The following FMR1 variants were observed in gnomAD, a reference collection of about 807,000 sequenced individuals.
FMR1 encodes FMRP translational regulator 1.
FMR1 carries 13 observed loss-of-function variants against 50.6 expected under a neutral mutation model. The observed-to-expected ratio is 0.26, with a 90% CI of 0.17 to 0.41. FMR1 has a LOEUF of 0.41. Among genes scored for constraint, FMR1 ranks in the 10% least tolerant of loss-of-function variants. The probability of loss-of-function intolerance (pLI) is 1.00; values close to 1 mark genes in which losing one functional copy is unlikely to be tolerated. For missense variants in FMR1, 316 were observed against 491.3 expected, an observed-to-expected ratio of 0.64 and a Z score of 3.37; for synonymous variants, 138 against 164.1, an observed-to-expected ratio of 0.84 and a Z score of 1.22.
At position 147,916,318 on chromosome X, in the gene FMR1, A is replaced by G. The variant is rs189334459; in HGVS notation, c.51+4088A>G. On this transcript the variant is annotated intron_variant, in intron 1 of 16. Coordinates refer to ENST00000370475, the MANE Select transcript of FMR1 (RefSeq NM_002024.6). The stretch of plus-strand genomic sequence containing the variant: ...GAGTGAAGCTAAATGTGTTTTTCAC[A>G]TAATTTGTAGCCTATATGAAGTCCT... Among the ~76,000 whole-genome samples, 14 of 112,432 alleles carry G rather than the reference A, an allele frequency of 1.2e-4. No homozygotes were observed. The East Asian group carries it at 2.2e-3, about 18-fold the overall frequency.
At position 147,950,751 on chromosome X, in the gene FMR1, C is replaced by T. The variant is rs1237815914; in HGVS notation, c.*1907C>T. 3.5e-5 allele frequency: 11 copies of T among 318,488 alleles called. No individual in the cohort carries two copies. The highest frequency in any genetic ancestry group is 1.8e-5 in the Non-Finnish European group (3 of 166,069). The allele number at this position is 318,488 out of a possible 1,213,427, so 26.2% of individuals were successfully genotyped here. ...GTAACTGTTACCATTGGAAATTTCA[C>T]GTCATAGGAAGTTAGCCTTTATCTA... On this transcript the variant is annotated 3_prime_UTR_variant, in exon 17 of 17. Coordinates refer to ENST00000370475, the MANE Select transcript of FMR1 (RefSeq NM_002024.6).
chrX:147,933,289 A>G (rs193052026), intron 9 of FMR1: 719 of 361,994 alleles, frequency 2.0e-3, no homozygotes, highest in Non-Finnish European at 2.6e-3. Context: ...TCTTAAAATT[A>G]AATAATTTTT....
chrX:147,936,725 A>G, intron 10 of FMR1, 112 bp downstream of exon 10: 1 of 518,275 alleles, frequency 1.9e-6, no homozygotes, highest in South Asian at 2.7e-5. Flanking sequence ...TATTCTGATT[A>G]TCAAGCATGC....
Position 147,951,119 on chromosome X carries a change from C to A in FMR1, c.*2275C>A. 4.8e-6 allele frequency: 1 copy of A among 209,192 alleles called. No individual in the cohort carries two copies. Among genetic ancestry groups the A allele is most frequent in the South Asian group, 5.5e-5 (1 of 18,327 alleles). 17.2% of individuals were successfully genotyped at this position (209,192 alleles called of 1,213,427 possible). On this transcript the variant is annotated 3_prime_UTR_variant, in exon 17 of 17. Transcript: ENST00000370475. ...TTAAAAAGTTGCACTTATGAAAAAG[C>A]AAAAAATTAGTCTGACAGATGTTTG...
At chrX:147,926,905 G>A (rs1163658726) in intron 3 of FMR1, among the ~76,000 whole-genome samples, 2 of 111,148 alleles carry the variant, frequency 1.8e-5, no homozygotes, top group Non-Finnish European at 3.8e-5. Flanking sequence ...ACAGATGTGA[G>A]TCTTAAAGAA....
At chrX:147,932,396 G>A (rs2043639805) in intron 7 of FMR1, 29 bp from the exon 8 acceptor site, 1 of 1,183,147 alleles carries the variant, frequency 8.5e-7, no homozygotes, top group Non-Finnish European at 1.1e-6. Context: ...TTGATAAAGT[G>A]TATTCATCAG....
At position 147,929,519 on chromosome X, in the gene FMR1, G is replaced by A. The variant is rs151285811; in HGVS notation, c.420-429G>A. On this transcript the variant is annotated intron_variant, in intron 5 of 16. Coordinates refer to ENST00000370475, the MANE Select transcript of FMR1 (RefSeq NM_002024.6). The stretch of plus-strand genomic sequence containing the variant: ...GTGATGTGCTTATTTCATATTGCAT[G>A]CCTGTATCAAAACATCTCATATGCC... Among the ~76,000 whole-genome samples, 360 of 108,269 alleles carry A rather than the reference G, an allele frequency of 3.3e-3. 1 individual carries two copies. Among genetic ancestry groups the A allele is most frequent in the African/African-American group, 0.012 (342 of 29,584 alleles). The allele number at this position is 108,269 out of a possible 115,157, so 94.0% of individuals were successfully genotyped here. A position where few individuals can be genotyped will look rare whatever the true frequency, so the allele number is the denominator to read the frequency against.
At chrX:147,929,675 A>G (rs1557178290) in intron 5 of FMR1, among the ~76,000 whole-genome samples, 1 of 111,739 alleles carries the variant, frequency 8.9e-6, no homozygotes, top group African/African-American at 3.2e-5. Context: ...AAAGTTTTCA[A>G]TAGTTGACTT....
At chrX:147,928,487 A>C in intron 4 of FMR1, 94 bp downstream of exon 4, 1 of 797,107 alleles carries the variant, frequency 1.3e-6, no homozygotes. Context: ...TTTTGAAGTA[A>C]TATCTAATTT....
At chrX:147,936,822 C>CT (rs1557179733) in intron 10 of FMR1, among the ~76,000 whole-genome samples, 1 of 111,213 alleles carries the variant, frequency 9.0e-6, no homozygotes, top group African/African-American at 3.3e-5. Flanking sequence ...TTATTGAATT[C>CT]TTTTTTCCTG....
At chrX:147,948,339 C>A in intron 16 of FMR1, 1 of 458,392 alleles carries the variant, frequency 2.2e-6, no homozygotes, top group Non-Finnish European at 2.8e-6. Context: ...GTGTTAGAGG[C>A]ATGTATGTCT....
In FMR1 at chrX:147,945,517, T is replaced by C; in HGVS notation, c.1655-17T>C. 8.5e-7 allele frequency: 1 copy of C among 1,177,668 alleles called. No homozygotes were observed. Among genetic ancestry groups the C allele is most frequent in the Non-Finnish European group, 1.2e-6 (1 of 864,406 alleles). On this transcript the variant is annotated splice_polypyrimidine_tract_variant and intron_variant, in intron 15 of 16. Coordinates refer to ENST00000370475, the MANE Select transcript of FMR1 (RefSeq NM_002024.6). ...CAGAATCAGTAACTGTTGAACCTTTTGAAAATATTCTCATAGGAAACGACG... is the reference window on the plus strand; with the variant it reads ...CAGAATCAGTAACTGTTGAACCTTTCGAAAATATTCTCATAGGAAACGACG...
chrX:147,947,943 T>G (rs1024020463), intron 16 of FMR1, among the ~76,000 whole-genome samples: 9 of 112,382 alleles, frequency 8.0e-5, no homozygotes, highest in African/African-American at 2.9e-4. Flanking sequence ...CATTGGCACT[T>G]AAAATATTTT....
At chrX:147,935,499 G>A (rs2043758522) in intron 9 of FMR1, among the ~76,000 whole-genome samples, 1 of 112,373 alleles carries the variant, frequency 8.9e-6, no homozygotes, top group Admixed American at 9.4e-5. Flanking sequence ...AGATGGTGAG[G>A]GCAAGCACAT....
Position 147,912,156 on chromosome X carries a change from G to C in FMR1, c.-24G>C, listed in dbSNP as rs782349211. On this transcript the variant is annotated 5_prime_UTR_variant, in exon 1 of 17. Transcript: ENST00000370475. The stretch of plus-strand genomic sequence containing the variant: ...GCCCACCTCTCGGGGGCGGGCTCCC[G>C]GCGCTAGCAGGGCTGAAGAGAAGAT... The C allele has an allele frequency of 9.2e-7, 1 of 1,084,081 alleles. No homozygotes were observed. The highest frequency in any genetic ancestry group is 1.2e-6 in the Non-Finnish European group (1 of 830,834). 89.3% of individuals were successfully genotyped at this position (1,084,081 alleles called of 1,213,427 possible). A position where few individuals can be genotyped will look rare whatever the true frequency, so the allele number is the denominator to read the frequency against.
chrX:147,928,884 A>C (rs1818378976), intron 5 of FMR1, 77 bp downstream of exon 5: 2 of 1,057,228 alleles, frequency 1.9e-6, no homozygotes, highest in Non-Finnish European at 2.6e-6. Context: ...AGTAGTTTAA[A>C]ATTTTTTAAA....
At chrX:147,913,392 CTT>C (rs1394557116) in intron 1 of FMR1, 2 of 112,117 alleles carry the variant, frequency 1.8e-5, no homozygotes, top group Non-Finnish European at 3.8e-5. Flanking sequence ...TCTATAACCT[CTT>C]TCAATAATAT....
rs1569545085 is a variant in FMR1 at position 147,912,087 on chromosome X, C to CGGCGGCGGCGGCGGCGGCGGA, written c.-73_-72insAGGCGGCGGCGGCGGCGGCGG. ...GCGGCGGCGGCGGCGGCGGAGGCGG[C>CGGCGGCGGCGGCGGCGGCGGA]GGCGGCGGCGGCGGCGGCGGCGGCT... On this transcript the variant is annotated 5_prime_UTR_variant, in exon 1 of 17. Coordinates refer to ENST00000370475, the MANE Select transcript of FMR1 (RefSeq NM_002024.6). The CGGCGGCGGCGGCGGCGGCGGA allele has an allele frequency of 4.3e-6, 2 of 467,732 alleles. No homozygotes were observed. The highest frequency in any genetic ancestry group is 2.8e-5 in the African/African-American group (1 of 35,681). The allele number at this position is 467,732 out of a possible 1,213,427, so 38.5% of individuals were successfully genotyped here.
chrX:147,945,201 G>A lies in FMR1; in HGVS notation c.1654+150G>A, dbSNP rs781988320. The A allele has an allele frequency of 2.5e-5, 22 of 889,450 alleles. No homozygotes were observed. In the Admixed American group the frequency reaches 4.2e-4, roughly 17 times the overall value. The allele number at this position is 889,450 out of a possible 1,213,427, so 73.3% of individuals were successfully genotyped here. A position where few individuals can be genotyped will look rare whatever the true frequency, so the allele number is the denominator to read the frequency against. ...ATAGGAAAGGATCAGCCTTCCACTT[G>A]TGTAGAAAGAAAGAATATTAGGCAG... On this transcript the variant is annotated intron_variant, in intron 15 of 16. Coordinates refer to ENST00000370475, the MANE Select transcript of FMR1 (RefSeq NM_002024.6).
Sources: allele counts gnomAD v4.1 joint callset (sites outside exome capture counted in the v4.1 genomes callset), GRCh38; gene constraint gnomAD v4.1.1; transcripts MANE v1.5; gene names NCBI Gene and HGNC (gene_info 2026-07-23, HGNC 2026-07-21).